TRIO: variants seen among roughly 807,000 people sequenced by gnomAD.
The protein encoded by TRIO is triple functional domain protein.
Under a neutral mutation model 351.9 loss-of-function variants are expected in TRIO, and 58 were observed. The observed-to-expected ratio is 0.16, with a 90% CI of 0.13 to 0.21. The LOEUF (loss-of-function observed/expected upper bound fraction) is 0.21, where lower values mean the gene tolerates loss of function less well. TRIO is among the 10% of genes least tolerant of loss of function. The pLI is 1.00. For synonymous variants in TRIO, 1,758 were observed against 1,595.7 expected (o/e 1.10, Z -2.42); for missense variants, 3,201 against 4,027.8 (o/e 0.79, Z 5.56).
chr5:14,486,486 A>G (rs573884308), intron 47 of TRIO, among the ~76,000 whole-genome samples: 14 of 152,268 alleles, frequency 9.2e-5, no homozygotes, highest in African/African-American at 3.4e-4. Flanking sequence ...GCGCTTGAGG[A>G]TAGGGAGGCA....
At chr5:14,460,965 C>G in intron 34 of TRIO, 54 bp from the exon 35 acceptor site, 1 of 1,459,230 alleles carries the variant, frequency 6.9e-7, no homozygotes, top group South Asian at 1.5e-5. Context: ...GCATGGTCTT[C>G]ACACCGGAGG....
At chr5:14,409,990 G>A (rs533378222) in intron 33 of TRIO, among the ~76,000 whole-genome samples, 1 of 152,240 alleles carries the variant, frequency 6.6e-6, no homozygotes, top group African/African-American at 2.4e-5. Context: ...TAACCATCTT[G>A]AAGGAATGAC....
At position 14,240,805 on chromosome 5, in the gene TRIO, A is replaced by G. The variant is rs550264636; in HGVS notation, c.158-30020A>G. Among the ~76,000 whole-genome samples, 5 of 152,340 alleles carry G rather than the reference A, an allele frequency of 3.3e-5. No homozygotes were observed. The East Asian group carries it at 7.7e-4, about 23-fold the overall frequency. ...TTTGCAAATCTACTAATTGGTTTAT[A>G]TTTGAAAGGATATGAAATTTGGGTG... On this transcript the variant is annotated intron_variant, in intron 1 of 56. Transcript: ENST00000344204.
At chr5:14,259,695 A>G (rs1795230093) in intron 1 of TRIO, among the ~76,000 whole-genome samples, 1 of 152,230 alleles carries the variant, frequency 6.6e-6, no homozygotes, top group Admixed American at 6.5e-5. Context: ...TCTTTTTACA[A>G]CAAATAGAAG....
rs1756933762 is a variant in TRIO at position 14,496,931 on chromosome 5, AAAG to A, written c.7935_7937del (p.Lys2645_Asp2646delinsAsn). On this transcript the variant is annotated inframe_deletion, in exon 50 of 57. Coordinates refer to ENST00000344204, the MANE Select transcript of TRIO (RefSeq NM_007118.4). ...CCGTTTAAGGAAAAAATCTGAGAAA[AAAG>A]ATAAAGACGGCAAAAGGGAAGGCAA... 6.2e-7 allele frequency: 1 copy of A among 1,614,214 alleles called. No individual in the cohort carries two copies.
chr5:14,484,412 TGTTA>T (rs1399173926), intron 46 of TRIO, among the ~76,000 whole-genome samples: 2 of 152,212 alleles, frequency 1.3e-5, no homozygotes, highest in African/African-American at 2.4e-5. Context: ...TTGTTCAGGC[TGTTA>T]GTTCAAACTA....
intron 1 of TRIO, among the ~76,000 whole-genome samples, chr5:14,258,812 C>T (rs962111051): frequency 1.4e-4 from 22 of 152,166 alleles, no homozygotes; most frequent in Non-Finnish European, 5.9e-5. Flanking sequence ...GTGAGATGGT[C>T]ACACAGTTGG....
At position 14,143,901 on chromosome 5, in the gene TRIO, G is replaced by C; in HGVS notation, c.157+19G>C. 1.9e-6 allele frequency: 2 copies of C among 1,070,044 alleles called. No homozygotes were observed. Among genetic ancestry groups the C allele is most frequent in the African/African-American group, 3.4e-5 (2 of 59,104 alleles). 66.3% of individuals were successfully genotyped at this position (1,070,044 alleles called of 1,614,324 possible). A position where few individuals can be genotyped will look rare whatever the true frequency, so the allele number is the denominator to read the frequency against. On this transcript the variant is annotated intron_variant, in intron 1 of 56. Coordinates refer to ENST00000344204, the MANE Select transcript of TRIO (RefSeq NM_007118.4). ...CGATCCGGTGAGTGCAACTGCGGCC[G>C]GCCCGCCCAGCGGCGCTGCCCCAAG...
At chr5:14,213,934 A>G (rs1398328079) in intron 1 of TRIO, among the ~76,000 whole-genome samples, 1 of 152,200 alleles carries the variant, frequency 6.6e-6, no homozygotes, top group East Asian at 1.9e-4. Context: ...ATGTGCCTGT[A>G]TTGAGCGGGA....
At chr5:14,209,435 C>T (rs1363754348) in intron 1 of TRIO, among the ~76,000 whole-genome samples, 1 of 152,232 alleles carries the variant, frequency 6.6e-6, no homozygotes, top group African/African-American at 2.4e-5. Context: ...CATGTCTCTA[C>T]TCCCTCAATT....
intron 32 of TRIO, chr5:14,406,232 C>G (rs1748706781): frequency 1.6e-6 from 1 of 610,996 alleles, no homozygotes. Context: ...CCTTTCTCAC[C>G]CCGAGCACCA....
chr5:14,502,200 G>T (rs748841408), intron 53 of TRIO, among the ~76,000 whole-genome samples: 6 of 152,168 alleles, frequency 3.9e-5, no homozygotes, highest in Non-Finnish European at 7.3e-5. Flanking sequence ...ACCATCTGTA[G>T]CAGTGCTGTC....
chr5:14,147,126 A>G (rs991470504), intron 1 of TRIO, among the ~76,000 whole-genome samples: 6 of 152,216 alleles, frequency 3.9e-5, no homozygotes, highest in African/African-American at 1.4e-4. Flanking sequence ...AGCTCAGCAC[A>G]GTAAAACCAA....
chr5:14,461,093 G>T lies in TRIO; in HGVS notation c.5278G>T (p.Ala1760Ser). 4 of 1,571,358 alleles carry T rather than the reference G, an allele frequency of 2.5e-6. No individual in the cohort carries two copies. Among genetic ancestry groups the T allele is most frequent in the Non-Finnish European group, 3.5e-6 (4 of 1,159,280 alleles). Residue 1760 changes from alanine (A) to serine (S), a missense_variant, in exon 35 of 57, where the codon GCC (alanine) becomes TCC (serine). Physicochemically the swap from Ala to Ser is moderately conservative, Grantham distance 99. Coordinates refer to ENST00000344204, the MANE Select transcript of TRIO (RefSeq NM_007118.4). The stretch of plus-strand genomic sequence containing the variant: ...TTCCCTCCAGCCCCACATGATCGGG[G>T]CCCAGAGCTCGCCGGGCCCCAAGCG... Reference protein sequence around the residue: ...VASLQPHMIGAQSSPGPKRPG... With the variant: ...VASLQPHMIGSQSSPGPKRPG...
At chr5:14,359,291 C>T (rs539597958) in intron 12 of TRIO, 66 bp from the exon 13 acceptor site, 38 of 1,553,026 alleles carry the variant, frequency 2.4e-5, no homozygotes, top group Admixed American at 7.2e-5. Context: ...TTTGCGTGGC[C>T]GGATCTGGTA....
chr5:14,229,355 G>A (rs986916146), intron 1 of TRIO, among the ~76,000 whole-genome samples: 8 of 152,260 alleles, frequency 5.3e-5, no homozygotes, highest in African/African-American at 1.9e-4. Flanking sequence ...CTGCCTTCCA[G>A]TGAAACTTCA....
chr5:14,392,351 T>G (rs543015945), intron 27 of TRIO, among the ~76,000 whole-genome samples: 1 of 152,262 alleles, frequency 6.6e-6, no homozygotes, highest in Admixed American at 6.5e-5. Flanking sequence ...CACTGGTCAT[T>G]AGAGAATGCA....
At chr5:14,398,206 C>T (rs1240587610) in intron 29 of TRIO, among the ~76,000 whole-genome samples, 1 of 152,142 alleles carries the variant, frequency 6.6e-6, no homozygotes, top group Admixed American at 6.5e-5. Context: ...CAGCCTCTGC[C>T]CTAGGGCTGG....
At chr5:14,375,014 TAATC>T (rs1057057390) in intron 19 of TRIO, among the ~76,000 whole-genome samples, 206 of 152,310 alleles carry the variant, frequency 1.4e-3, no homozygotes, top group African/African-American at 4.6e-3. Context: ...AAAATTGTGA[TAATC>T]AGTTAGCAAA....
Sources: gnomAD v4.1 joint callset for allele counts (sites outside exome capture counted in the v4.1 genomes callset) on GRCh38, gnomAD v4.1.1 for gene constraint, MANE v1.5 for transcripts, NCBI Gene and HGNC (gene_info 2026-07-23, HGNC 2026-07-21) for gene names.